VPS13A: variants seen among roughly 807,000 people sequenced by gnomAD.
The protein encoded by VPS13A is intermembrane lipid transfer protein VPS13A.
A neutral mutation model predicts 390.9 loss-of-function variants in VPS13A; 264 were observed. The ratio of observed to expected loss-of-function variants is 0.68; its 90% CI spans 0.61 to 0.75. VPS13A has a LOEUF of 0.75. Ranked by LOEUF, VPS13A falls within the 30% of genes least tolerant of loss-of-function variation. The probability of loss-of-function intolerance (pLI) is 0.00; values close to 1 mark genes in which losing one functional copy is unlikely to be tolerated. For synonymous variants in VPS13A, 1,231 were observed against 1,227.1 expected (o/e 1.00, Z -0.07); for missense variants, 3,409 against 3,733.9 (o/e 0.91, Z 2.27).
At chr9:77,363,402 TTA>T (rs1466319048) in intron 59 of VPS13A, among the ~76,000 whole-genome samples, 16,349 of 100,394 alleles carry the variant, frequency 0.16, 1,910 homozygotes, top group South Asian at 0.28. Context: ...TTTTTTTTTT[TTA>T]TTTTTTTTTT....
At chr9:77,397,842 C>CTG (rs1410995426) in intron 68 of VPS13A, among the ~76,000 whole-genome samples, 2 of 152,032 alleles carry the variant, frequency 1.3e-5, no homozygotes, top group Non-Finnish European at 1.5e-5. Context: ...GTTTCTGTTT[C>CTG]TTTTAGTAAT....
intron 33 of VPS13A, among the ~76,000 whole-genome samples, chr9:77,302,368 CTTTTTTTTTTT>C (rs58598132): frequency 1.1e-3 from 131 of 117,810 alleles, no homozygotes; most frequent in South Asian, 2.4e-3. Flanking sequence ...TATTTTTCCC[CTTTTTTTTTTT>C]TTTTTTTTTT....
chr9:77,238,777 C>A (rs1267897370), intron 19 of VPS13A, among the ~76,000 whole-genome samples: 3 of 152,092 alleles, frequency 2.0e-5, no homozygotes, highest in Non-Finnish European at 4.4e-5. Flanking sequence ...GGTACGATTT[C>A]TTCCTTAAAT....
intron 23 of VPS13A, among the ~76,000 whole-genome samples, chr9:77,261,712 G>A (rs1825775091): frequency 1.3e-5 from 2 of 151,854 alleles, no homozygotes; most frequent in Admixed American, 6.6e-5. Flanking sequence ...AGCCTCCCAA[G>A]TAGCTGGGAC....
At position 77,340,213 on chromosome 9, in the gene VPS13A, T is replaced by C. The variant is rs765184741; in HGVS notation, c.6810T>C (p.Asn2270=). 2 of 1,613,220 alleles carry C rather than the reference T, an allele frequency of 1.2e-6. No individual in the cohort carries two copies. The highest frequency in any genetic ancestry group is 2.7e-5 in the African/African-American group (2 of 74,902). Residue 2270 remains asparagine (N), a synonymous_variant, in exon 49 of 72, where the codon AAT becomes AAC. Coordinates refer to ENST00000360280, the MANE Select transcript of VPS13A (RefSeq NM_033305.3). ...QLMVTDSELS[N]QFSIDTVGSH... is the part of the protein sequence containing the mutation. ...TGGTAACTGATAGTGAGTTGTCCAA[T>C]CAGTTTTCAATTGATACTGTTGGTA...
At chr9:77,212,237 C>A (rs182789964) in intron 7 of VPS13A, among the ~76,000 whole-genome samples, 4 of 151,978 alleles carry the variant, frequency 2.6e-5, no homozygotes, top group Admixed American at 2.0e-4. Flanking sequence ...CTTTTTAAAC[C>A]GACCCCAGGC....
chr9:77,340,184 C>T lies in VPS13A; in HGVS notation c.6781C>T (p.Leu2261Phe). 6.2e-7 allele frequency: 1 copy of T among 1,612,872 alleles called. No individual in the cohort carries two copies. The highest frequency in any genetic ancestry group is 8.5e-7 in the Non-Finnish European group (1 of 1,179,440). Residue 2261 changes from leucine (L) to phenylalanine (F), a missense_variant, in exon 49 of 72, where the codon CTT becomes TTT. By Grantham distance (22) the Leu-to-Phe change is conservative. Transcript: ENST00000360280. Reference sequence around the variant, plus strand: ...TGGAATATTTTTTTCCTAGGTTCAACTTATGGTAACTGATAGTGAGTTGTC... The same window carrying T: ...TGGAATATTTTTTTCCTAGGTTCAATTTATGGTAACTGATAGTGAGTTGTC... ...NHFFNNNKVQ[L>F]MVTDSELSNQ...
Position 77,418,131 on chromosome 9 carries a change from A to AGGTT in VPS13A, c.*2126_*2129dup, listed in dbSNP as rs1368797906. The AGGTT allele has an allele frequency of 6.6e-6, 1 of 152,174 alleles. No individual in the cohort carries two copies. The highest frequency in any genetic ancestry group is 1.5e-5 in the Non-Finnish European group (1 of 68,024). 9.4% of individuals were successfully genotyped at this position (152,174 alleles called of 1,614,324 possible). ...TGATTCTGTAGCCCATTTTTCTTGA[A>AGGTT]GGTTAGAATAAGAATCTTCTTGTAT... On this transcript the variant is annotated 3_prime_UTR_variant, in exon 72 of 72. Transcript: ENST00000360280.
chr9:77,178,108 G>A (rs541601253), intron 1 of VPS13A: 27 of 361,614 alleles, frequency 7.5e-5, no homozygotes, highest in Middle Eastern at 9.2e-4. Flanking sequence ...TCCCGGCGAG[G>A]GGCCGTTCTC....
chr9:77,212,554 T>C (rs1826028766), intron 7 of VPS13A, among the ~76,000 whole-genome samples: 2 of 152,134 alleles, frequency 1.3e-5, no homozygotes, highest in African/African-American at 4.8e-5. Flanking sequence ...CAAATTTGTC[T>C]CAAACTCCTG....
chr9:77,385,257 A>G (rs1587703072), intron 68 of VPS13A: 1 of 686,264 alleles, frequency 1.5e-6, no homozygotes, highest in Non-Finnish European at 1.8e-6. Flanking sequence ...AAAAACAGTC[A>G]TGGCCTCTCA....
Position 77,417,604 on chromosome 9 carries a change from C to G in VPS13A, c.*1598C>G, listed in dbSNP as rs1423668306. On this transcript the variant is annotated 3_prime_UTR_variant, in exon 72 of 72. Transcript: ENST00000360280. The stretch of plus-strand genomic sequence containing the variant: ...TAAGCTCCTCCAGTTTTGCTTTTGT[C>G]AGAATTAAACTTAACAGTAGAGGTA... 1 of 151,734 alleles carries G rather than the reference C, an allele frequency of 6.6e-6. No individual in the cohort carries two copies. The highest frequency in any genetic ancestry group is 1.5e-5 in the Non-Finnish European group (1 of 67,982). The allele number at this position is 151,734 out of a possible 1,614,324, so 9.4% of individuals were successfully genotyped here.
chr9:77,325,366 G>A (rs146095642), intron 45 of VPS13A, among the ~76,000 whole-genome samples: 1,524 of 151,230 alleles, frequency 0.01, 13 homozygotes, highest in Non-Finnish European at 0.016. Context: ...TATATTTAAC[G>A]TGGGGTTTCT....
intron 1 of VPS13A, among the ~76,000 whole-genome samples, chr9:77,182,154 C>T (rs1040292545): frequency 1.5e-4 from 23 of 152,128 alleles, no homozygotes; most frequent in African/African-American, 4.6e-4. Flanking sequence ...AGTGCAGTGA[C>T]GCGATCTCGG....
chr9:77,185,014 A>G (rs1824245638), intron 1 of VPS13A, among the ~76,000 whole-genome samples: 1 of 152,090 alleles, frequency 6.6e-6, no homozygotes, highest in East Asian at 1.9e-4. Flanking sequence ...ACCAAATAAA[A>G]TCAGGTGCGA....
At chr9:77,179,259 C>T (rs945318263) in intron 1 of VPS13A, among the ~76,000 whole-genome samples, 5 of 152,188 alleles carry the variant, frequency 3.3e-5, no homozygotes, top group African/African-American at 1.2e-4. Flanking sequence ...AAAATTCACT[C>T]TTGTGATACA....
chr9:77,372,996 G>A (rs897831943), intron 67 of VPS13A, among the ~76,000 whole-genome samples: 35 of 152,132 alleles, frequency 2.3e-4, no homozygotes, highest in African/African-American at 7.2e-4. Context: ...GGATACAAAC[G>A]AATGGAAGAA....
At chr9:77,275,744 T>TAAGAAGCA in intron 25 of VPS13A, 92 bp downstream of exon 25, 1 of 1,395,352 alleles carries the variant, frequency 7.2e-7, no homozygotes, top group Admixed American at 1.8e-5. Context: ...AGAAGCACTA[T>TAAGAAGCA]CTTTTTCACC....
chr9:77,205,286 C>CT (rs376617644), intron 3 of VPS13A, 27 bp from the exon 4 acceptor site: 42,799 of 952,220 alleles, frequency 0.045, 49 homozygotes, highest in Admixed American at 0.096. Flanking sequence ...ATTTTTTGTC[C>CT]TTTTTTTTTT....
Sources: gnomAD v4.1 joint callset for allele counts (sites outside exome capture counted in the v4.1 genomes callset) on GRCh38, gnomAD v4.1.1 for gene constraint, MANE v1.5 for transcripts, NCBI Gene and HGNC (gene_info 2026-07-23, HGNC 2026-07-21) for gene names.